The following CSMD1 variants were observed in gnomAD, a reference collection of about 807,000 sequenced individuals.
CSMD1 encodes CUB and sushi domain-containing protein 1.
A neutral mutation model predicts 417.5 loss-of-function variants in CSMD1; 213 were observed. The ratio of observed to expected loss-of-function variants is 0.51; its 90% confidence interval spans 0.46 to 0.57. The LOEUF (loss-of-function observed/expected upper bound fraction) is 0.57, where lower values mean the gene tolerates loss of function less well. Ranked by LOEUF, CSMD1 falls within the 20% of genes least tolerant of loss-of-function variation. The pLI is 0.00. For missense variants in CSMD1, 6,923 were observed against 4,529.7 expected (o/e 1.53, Z -15.17); for synonymous variants, 2,862 against 1,736.8 (o/e 1.65, Z -16.11).
chr8:2,995,114 A>G (rs1437201957), intron 54 of CSMD1, among the ~76,000 whole-genome samples: 3 of 152,222 alleles, frequency 2.0e-5, no homozygotes, highest in African/African-American at 4.8e-5. Context: ...CAAACGAGAG[A>G]CTGGGAAAAA....
chr8:4,006,346 C>T (rs1460290148), intron 4 of CSMD1, among the ~76,000 whole-genome samples: 1 of 152,144 alleles, frequency 6.6e-6, no homozygotes, highest in Non-Finnish European at 1.5e-5. Flanking sequence ...CAGTTTGAGG[C>T]CAGCCTGGCC....
chr8:4,042,442 T>C (rs1026598952), intron 3 of CSMD1, among the ~76,000 whole-genome samples: 3 of 152,004 alleles, frequency 2.0e-5, no homozygotes, highest in Non-Finnish European at 2.9e-5. Flanking sequence ...TAAATAAATT[T>C]ATATGACAAA....
intron 1 of CSMD1, among the ~76,000 whole-genome samples, chr8:4,671,740 T>TGC (rs1805344509): frequency 6.6e-6 from 1 of 152,146 alleles, no homozygotes; most frequent in African/African-American, 2.4e-5. Flanking sequence ...TGTGTGTGTG[T>TGC]GCTTGTGTGT....
intron 7 of CSMD1, among the ~76,000 whole-genome samples, chr8:3,653,920 T>C (rs1178581429): frequency 6.6e-6 from 1 of 152,220 alleles, no homozygotes; most frequent in Admixed American, 6.5e-5. Flanking sequence ...CTTGCTCTTG[T>C]GTCTGAAACT....
chr8:3,669,239 C>G (rs10101125), intron 7 of CSMD1, among the ~76,000 whole-genome samples: 25,433 of 152,114 alleles, frequency 0.17, 2,217 homozygotes, highest in South Asian at 0.22. Flanking sequence ...AGGTAGCACA[C>G]TGCATCAATC....
intron 5 of CSMD1, among the ~76,000 whole-genome samples, chr8:3,775,793 G>A (rs1182535223): frequency 6.6e-6 from 1 of 152,214 alleles, no homozygotes; most frequent in Non-Finnish European, 1.5e-5. Context: ...AAGCATTGCT[G>A]GGTGCTGATG....
At chr8:3,010,267 T>C (rs1808281719) in intron 52 of CSMD1, among the ~76,000 whole-genome samples, 1 of 152,192 alleles carries the variant, frequency 6.6e-6, no homozygotes, top group South Asian at 2.1e-4. Flanking sequence ...ACTCTTCTAC[T>C]GTGTTTTGTT....
chr8:4,139,093 C>G (rs1803617870), intron 3 of CSMD1, among the ~76,000 whole-genome samples: 1 of 152,146 alleles, frequency 6.6e-6, no homozygotes, highest in East Asian at 1.9e-4. Context: ...TTACCGACCA[C>G]AACACAGCTA....
At chr8:3,245,027 G>C (rs1391536464) in intron 26 of CSMD1, among the ~76,000 whole-genome samples, 1 of 152,212 alleles carries the variant, frequency 6.6e-6, no homozygotes, top group African/African-American at 2.4e-5. Flanking sequence ...TGCTCAAAAG[G>C]ACAGGAGGGT....
chr8:3,569,840 T>C (rs1231548594), intron 10 of CSMD1, among the ~76,000 whole-genome samples: 1 of 152,206 alleles, frequency 6.6e-6, no homozygotes, highest in East Asian at 1.9e-4. Flanking sequence ...GCTAAGAGTA[T>C]TGGTTGTGCG....
At chr8:3,462,009 G>A (rs989293264) in intron 12 of CSMD1, among the ~76,000 whole-genome samples, 2 of 152,262 alleles carry the variant, frequency 1.3e-5, no homozygotes, top group East Asian at 3.9e-4. Flanking sequence ...TAGGAAACGA[G>A]GCCAGTCAGA....
At chr8:4,867,421 C>T (rs1389212691) in intron 1 of CSMD1, among the ~76,000 whole-genome samples, 2 of 152,050 alleles carry the variant, frequency 1.3e-5, no homozygotes, top group Non-Finnish European at 2.9e-5. Flanking sequence ...CTTAAATACA[C>T]CCCTGTAAAT....
At chr8:3,972,848 G>A (rs1419408348) in intron 5 of CSMD1, among the ~76,000 whole-genome samples, 1 of 151,848 alleles carries the variant, frequency 6.6e-6, no homozygotes, top group Non-Finnish European at 1.5e-5. Flanking sequence ...ATTTACCTCA[G>A]AATCTTATAA....
rs574730942 is a variant in CSMD1 at position 4,210,049 on chromosome 8, T to C, written c.416-177950A>G. Among the ~76,000 whole-genome samples the C allele has an allele frequency of 1.4e-4, 21 of 152,296 alleles. No individual in the cohort carries two copies. In the South Asian group the frequency reaches 2.7e-3, roughly 20 times the overall value. On this transcript the variant is annotated intron_variant, in intron 3 of 69. Coordinates refer to ENST00000635120, the MANE Select transcript of CSMD1 (RefSeq NM_033225.6). ...TCTATTTGGTCCAGTGTCTAAGCCC[T>C]GCTTCCTGAGTCAAGTCCCACCTCC...
intron 3 of CSMD1, among the ~76,000 whole-genome samples, chr8:4,221,971 G>A (rs995870475): frequency 4.6e-5 from 7 of 152,108 alleles, no homozygotes; most frequent in Non-Finnish European, 1.5e-5. Flanking sequence ...CATCTGCAAT[G>A]GAGGAAGCTG....
intron 1 of CSMD1, among the ~76,000 whole-genome samples, chr8:4,799,618 A>G (rs1798169181): frequency 6.6e-6 from 1 of 150,780 alleles, no homozygotes; most frequent in Non-Finnish European, 1.5e-5. Flanking sequence ...AAAAAAAAAA[A>G]AAAAAAAAAA....
chr8:4,345,957 C>G (rs901600256), intron 3 of CSMD1, among the ~76,000 whole-genome samples: 1 of 152,128 alleles, frequency 6.6e-6, no homozygotes, highest in African/African-American at 2.4e-5. Context: ...AAACTACGCT[C>G]TTCATACTGA....
chr8:3,033,783 TAAAG>T (rs1563260399), intron 50 of CSMD1, among the ~76,000 whole-genome samples: 1 of 151,902 alleles, frequency 6.6e-6, no homozygotes, highest in Non-Finnish European at 1.5e-5. Context: ...AAAATAAACT[TAAAG>T]TAAAATAAAA....
chr8:4,339,274 T>G (rs9314527), intron 3 of CSMD1, among the ~76,000 whole-genome samples: 28,031 of 152,150 alleles, frequency 0.18, 2,828 homozygotes, highest in Middle Eastern at 0.24. Context: ...AGTAGGAAGT[T>G]GATAACTACT....
Sources: allele counts gnomAD v4.1 joint callset (sites outside exome capture counted in the v4.1 genomes callset), GRCh38; gene constraint gnomAD v4.1.1; transcripts MANE v1.5; gene names NCBI Gene and HGNC (gene_info 2026-07-23, HGNC 2026-07-21).